ATXN1: variants seen among roughly 807,000 people sequenced by gnomAD.
The protein encoded by ATXN1 is ataxin 1.
A neutral mutation model predicts 56.4 loss-of-function variants in ATXN1; 8 were observed. The observed-to-expected ratio is 0.14, with a 90% CI of 0.08 to 0.26. ATXN1 has a LOEUF of 0.26. ATXN1 is among the 10% of genes least tolerant of loss of function. ATXN1 has a pLI of 1.00. For missense variants in ATXN1, 987 were observed against 1,106.5 expected, an observed-to-expected ratio of 0.89 and a Z score of 1.53; for synonymous variants, 514 against 494.6, an observed-to-expected ratio of 1.04 and a Z score of -0.52.
chr6:16,504,771 A>C (rs1760949765), intron 5 of ATXN1, among the ~76,000 whole-genome samples: 1 of 152,120 alleles, frequency 6.6e-6, no homozygotes, highest in African/African-American at 2.4e-5. Context: ...CTCATGTGTA[A>C]AATAACACAG....
intron 1 of ATXN1, among the ~76,000 whole-genome samples, chr6:16,756,196 T>C (rs1760881677): frequency 6.6e-6 from 1 of 152,098 alleles, no homozygotes; most frequent in Non-Finnish European, 1.5e-5. Flanking sequence ...TCTAAAACCA[T>C]TCTTTTTATT....
intron 7 of ATXN1, among the ~76,000 whole-genome samples, chr6:16,314,991 A>G (rs1250903120): frequency 1.3e-5 from 2 of 152,146 alleles, no homozygotes; most frequent in Admixed American, 6.5e-5. Context: ...TACACCGAGC[A>G]CCTGCTAAGT....
At chr6:16,487,228 A>G (rs115058708) in intron 5 of ATXN1, among the ~76,000 whole-genome samples, 4 of 152,166 alleles carry the variant, frequency 2.6e-5, no homozygotes, top group African/African-American at 7.2e-5. Flanking sequence ...CAAATACATC[A>G]TCGACAAAGG....
intron 3 of ATXN1, among the ~76,000 whole-genome samples, chr6:16,618,608 T>G (rs1185641937): frequency 6.6e-6 from 1 of 151,688 alleles, no homozygotes; most frequent in East Asian, 1.9e-4. Context: ...GGTACACACC[T>G]GTAGTCTGGA....
intron 2 of ATXN1, among the ~76,000 whole-genome samples, chr6:16,731,073 T>C (rs1187994045): frequency 6.6e-6 from 1 of 152,162 alleles, no homozygotes; most frequent in African/African-American, 2.4e-5. Context: ...CATATGCATG[T>C]AAAACTCCCT....
At chr6:16,596,215 T>G (rs967322002) in intron 3 of ATXN1, among the ~76,000 whole-genome samples, 6 of 152,142 alleles carry the variant, frequency 3.9e-5, no homozygotes, top group African/African-American at 1.4e-4. Context: ...AAAGCTGATC[T>G]TGAACTCCTG....
At chr6:16,366,272 G>A (rs924832133) in intron 6 of ATXN1, among the ~76,000 whole-genome samples, 4 of 152,120 alleles carry the variant, frequency 2.6e-5, no homozygotes, top group South Asian at 2.1e-4. Context: ...TCAGCTAGAT[G>A]CTGGCAGTTC....
At chr6:16,383,673 G>C (rs1415623237) in intron 6 of ATXN1, among the ~76,000 whole-genome samples, 2 of 152,062 alleles carry the variant, frequency 1.3e-5, no homozygotes, top group Non-Finnish European at 2.9e-5. Flanking sequence ...GCTAGTCTGG[G>C]GACAAAAACG....
chr6:16,689,389 C>T (rs970359165), intron 2 of ATXN1, among the ~76,000 whole-genome samples: 6 of 152,230 alleles, frequency 3.9e-5, no homozygotes, highest in African/African-American at 1.4e-4. Flanking sequence ...TCATAGCTCA[C>T]TACAGCCACA....
In ATXN1 at chr6:16,327,905, T is replaced by C. The variant is rs778829910; in HGVS notation, c.406A>G (p.Ser136Gly). The C allele has an allele frequency of 6.2e-6, 10 of 1,609,014 alleles. No homozygotes were observed. Among genetic ancestry groups the C allele is most frequent in the Middle Eastern group, 1.6e-4 (1 of 6,084 alleles). ...TFQFIGSSQY[S>G]GTYASFIPSQ... ...GGGATGAAGCTGGCATAGGTTCCAC[T>C]GTATTGGGAGGACCCAATGAACTGG... Residue 136 changes from serine (S) to glycine (G), a missense_variant, in exon 7 of 8, where the codon AGT (serine) becomes GGT (glycine). Physicochemically the swap from Ser to Gly is moderately conservative, Grantham distance 56 (BLOSUM62 0). Coordinates refer to ENST00000436367, the MANE Select transcript of ATXN1 (RefSeq NM_001128164.2).
At chr6:16,425,995 A>T (rs1759145709) in intron 6 of ATXN1, among the ~76,000 whole-genome samples, 1 of 152,220 alleles carries the variant, frequency 6.6e-6, no homozygotes, top group Admixed American at 6.5e-5. Flanking sequence ...CATATGGCAC[A>T]AGACAGGCTG....
chr6:16,507,008 T>C (rs2113680096), intron 5 of ATXN1, among the ~76,000 whole-genome samples: 1 of 152,344 alleles, frequency 6.6e-6, no homozygotes. Flanking sequence ...CCGTGTTATA[T>C]ATTAAGGCTG....
chr6:16,425,109 G>T (rs893916416), intron 6 of ATXN1, among the ~76,000 whole-genome samples: 1 of 152,112 alleles, frequency 6.6e-6, no homozygotes, highest in Non-Finnish European at 1.5e-5. Context: ...CCAAACACTA[G>T]ATCTCTTAGT....
At chr6:16,398,263 T>A (rs926325029) in intron 6 of ATXN1, among the ~76,000 whole-genome samples, 28 of 152,148 alleles carry the variant, frequency 1.8e-4, no homozygotes, top group African/African-American at 6.5e-4. Flanking sequence ...CTTAGATAAA[T>A]CAAATGCAAA....
At chr6:16,333,639 C>T (rs1200040370) in intron 6 of ATXN1, among the ~76,000 whole-genome samples, 1 of 152,150 alleles carries the variant, frequency 6.6e-6, no homozygotes, top group African/African-American at 2.4e-5. Context: ...ACAAACAGGG[C>T]ACGGTTTCAG....
At chr6:16,548,904 C>T (rs1174084770) in intron 4 of ATXN1, among the ~76,000 whole-genome samples, 2 of 152,176 alleles carry the variant, frequency 1.3e-5, no homozygotes, top group African/African-American at 4.8e-5. Flanking sequence ...GCCTGGGCGA[C>T]AAAGTAAGGC....
intron 6 of ATXN1, among the ~76,000 whole-genome samples, chr6:16,427,996 A>G (rs1759193052): frequency 6.6e-6 from 1 of 151,996 alleles, no homozygotes; most frequent in Admixed American, 6.6e-5. Flanking sequence ...AACAGATTTT[A>G]TGTTGATAAA....
At chr6:16,505,505 G>A (rs76280058) in intron 5 of ATXN1, among the ~76,000 whole-genome samples, 1 of 152,130 alleles carries the variant, frequency 6.6e-6, no homozygotes, top group Non-Finnish European at 1.5e-5. Context: ...TAAGTGCACT[G>A]GCAGCCTACT....
At chr6:16,560,261 C>T (rs1210118394) in intron 4 of ATXN1, among the ~76,000 whole-genome samples, 1 of 151,868 alleles carries the variant, frequency 6.6e-6, no homozygotes, top group Non-Finnish European at 1.5e-5. Context: ...GAAACCCCGT[C>T]TCTACTAAAA....
Sources: gnomAD v4.1 joint callset for allele counts (sites outside exome capture counted in the v4.1 genomes callset) on GRCh38, gnomAD v4.1.1 for gene constraint, MANE v1.5 for transcripts, NCBI Gene and HGNC (gene_info 2026-07-23, HGNC 2026-07-21) for gene names.